The following CCDC7 variants were observed in gnomAD, a reference collection of about 807,000 sequenced individuals.
CCDC7 encodes the protein coiled-coil domain containing 7, also known as coiled-coil domain-containing protein 7.
CCDC7 carries 183 observed loss-of-function variants against 196.9 expected under a neutral mutation model. The observed-to-expected ratio is 0.93, with a 90% CI of 0.82 to 1.05. The LOEUF (loss-of-function observed/expected upper bound fraction) is 1.05. Among genes scored for constraint, CCDC7 ranks in the 50% least tolerant of loss-of-function variants. The pLI is 0.00. For synonymous variants in CCDC7, 525 were observed against 484.6 expected (o/e 1.08, Z -1.10); for missense variants, 1,540 against 1,482.2 (o/e 1.04, Z -0.64).
intron 28 of CCDC7, among the ~76,000 whole-genome samples, chr10:32,744,785 C>T (rs188256765): frequency 6.6e-6 from 1 of 152,256 alleles, no homozygotes; most frequent in East Asian, 1.9e-4. Flanking sequence ...ATTCTTTTCA[C>T]AGTGTCTTTT....
At chr10:32,594,462 G>A (rs2060107411) in intron 18 of CCDC7, among the ~76,000 whole-genome samples, 3 of 152,078 alleles carry the variant, frequency 2.0e-5, no homozygotes, top group Non-Finnish European at 4.4e-5. Flanking sequence ...GAGACGATGG[G>A]GTTTTCTAAA....
chr10:32,766,142 T>A (rs1251865197), intron 28 of CCDC7, among the ~76,000 whole-genome samples: 1 of 151,894 alleles, frequency 6.6e-6, no homozygotes, highest in Non-Finnish European at 1.5e-5. Context: ...ATCCAAAAAA[T>A]TTAGGGGCCT....
At chr10:32,755,902 A>G (rs1341214562) in intron 28 of CCDC7, among the ~76,000 whole-genome samples, 1 of 152,166 alleles carries the variant, frequency 6.6e-6, no homozygotes, top group Non-Finnish European at 1.5e-5. Context: ...CAGTGTAGAG[A>G]AGACCTTAAA....
chr10:32,868,264 G>A (rs192097324), intron 41 of CCDC7, among the ~76,000 whole-genome samples: 53 of 151,870 alleles, frequency 3.5e-4, no homozygotes, highest in African/African-American at 1.1e-3. Context: ...TACTCTTTTG[G>A]GTATATAAAT....
At chr10:32,855,570 G>A (rs943695680) in intron 41 of CCDC7, among the ~76,000 whole-genome samples, 1 of 152,140 alleles carries the variant, frequency 6.6e-6, no homozygotes, top group Non-Finnish European at 1.5e-5. Flanking sequence ...AATAGGGTTT[G>A]TGCTCCTATG....
intron 20 of CCDC7, among the ~76,000 whole-genome samples, chr10:32,652,096 T>C (rs1050202743): frequency 6.6e-6 from 1 of 152,178 alleles, no homozygotes; most frequent in Non-Finnish European, 1.5e-5. Flanking sequence ...GGTGCTCCTG[T>C]GTTGTGTGTA....
chr10:32,650,647 C>CT (rs1380977966), intron 20 of CCDC7, among the ~76,000 whole-genome samples: 2 of 152,192 alleles, frequency 1.3e-5, no homozygotes, highest in Non-Finnish European at 2.9e-5. Context: ...ACTCAGGACT[C>CT]TCAGTTTTCT....
intron 29 of CCDC7, among the ~76,000 whole-genome samples, chr10:32,781,988 A>G (rs752327374): frequency 6.6e-6 from 1 of 152,222 alleles, no homozygotes; most frequent in Non-Finnish European, 1.5e-5. Context: ...TGAACACACA[A>G]AAATTGGTTA....
intron 10 of CCDC7, 30 bp downstream of exon 11, chr10:32,518,005 C>T (rs1424012767): frequency 1.3e-6 from 2 of 1,550,248 alleles, no homozygotes; most frequent in East Asian, 2.4e-5. Flanking sequence ...TTTGAAATTA[C>T]ACTTTGTCCT....
chr10:32,556,304 T>C (rs1408691476), intron 13 of CCDC7, among the ~76,000 whole-genome samples: 1 of 152,226 alleles, frequency 6.6e-6, no homozygotes, highest in Non-Finnish European at 1.5e-5. Context: ...TATAATTCAA[T>C]GGCTTAAACA....
At chr10:32,517,631 G>T (rs564950041) in intron 9 of CCDC7, among the ~76,000 whole-genome samples, 1,044 of 104,372 alleles carry the variant, frequency 0.01, 5 homozygotes, top group Middle Eastern at 0.043. Context: ...GGTGGGGGGA[G>T]GGGGGAGGGA....
chr10:32,521,334 T>C (rs935598004), intron 11 of CCDC7, among the ~76,000 whole-genome samples: 19 of 152,136 alleles, frequency 1.2e-4, no homozygotes, highest in African/African-American at 3.6e-4. Flanking sequence ...CAATATTGAC[T>C]CCTCCATCTA....
At chr10:32,675,230 T>G (rs1341562783) in intron 21 of CCDC7, among the ~76,000 whole-genome samples, 1 of 152,134 alleles carries the variant, frequency 6.6e-6, no homozygotes, top group African/African-American at 2.4e-5. Flanking sequence ...TATACTTTAT[T>G]TCCTTTTCAT....
chr10:32,665,871 C>A (rs1222377210), intron 21 of CCDC7, among the ~76,000 whole-genome samples: 1 of 151,900 alleles, frequency 6.6e-6, no homozygotes, highest in East Asian at 1.9e-4. Context: ...TCTTAAACTT[C>A]TTTTACTAAT....
chr10:32,855,309 T>TG (rs2093708439), intron 41 of CCDC7, among the ~76,000 whole-genome samples: 1 of 151,776 alleles, frequency 6.6e-6, no homozygotes, highest in Admixed American at 6.6e-5. Flanking sequence ...GGAATGGTGG[T>TG]GGGGGAATGA....
chr10:32,876,971 A>C (rs1331426856), downstream of CCDC7: 1 of 152,134 alleles, frequency 6.6e-6, no homozygotes, highest in Non-Finnish European at 1.5e-5. Context: ...ATAAATATTT[A>C]GACTTGCAGA....
At chr10:32,630,547 A>G (rs1325047613) in intron 18 of CCDC7, among the ~76,000 whole-genome samples, 10 of 152,096 alleles carry the variant, frequency 6.6e-5, no homozygotes, top group African/African-American at 2.4e-4. Context: ...CTAAAGAGAC[A>G]GACAGACCCC....
intron 23 of CCDC7, among the ~76,000 whole-genome samples, chr10:32,693,606 G>A (rs1419911110): frequency 1.3e-5 from 2 of 152,016 alleles, no homozygotes; most frequent in Non-Finnish European, 2.9e-5. Context: ...TATACAGCAC[G>A]TCCTTGAATA....
chr10:32,631,826 A>T (rs1346269733), intron 18 of CCDC7, among the ~76,000 whole-genome samples: 1 of 152,000 alleles, frequency 6.6e-6, no homozygotes, highest in Non-Finnish European at 1.5e-5. Flanking sequence ...ACTTTCAATG[A>T]TTCTTTGTAT....
Sources: gnomAD v4.1 joint callset for allele counts (sites outside exome capture counted in the v4.1 genomes callset) on GRCh38, gnomAD v4.1.1 for gene constraint, MANE v1.5 for transcripts, NCBI Gene and HGNC (gene_info 2026-07-23, HGNC 2026-07-21) for gene names.